Variants in DUSP2 observed in about 807,000 individuals in gnomAD.
The protein encoded by DUSP2 is dual specificity phosphatase 2.
A neutral mutation model predicts 23.3 loss-of-function variants in DUSP2; 20 were observed. That is an observed-to-expected ratio of 0.86 (90% CI 0.60 to 1.25). The LOEUF is 1.25. Among genes scored for constraint, DUSP2 ranks in the 50% most tolerant of loss-of-function variants. The pLI is 0.00. For synonymous variants in DUSP2, 231 were observed against 209.7 expected, an observed-to-expected ratio of 1.10 and a Z score of -0.88; for missense variants, 435 against 452.6, an observed-to-expected ratio of 0.96 and a Z score of 0.35.
Position 96,144,796 on chromosome 2 carries a change from T to C in DUSP2, c.475A>G (p.Ser159Gly). 6.3e-7 allele frequency: 1 copy of C among 1,586,672 alleles called. No individual in the cohort carries two copies. The highest frequency in any genetic ancestry group is 8.6e-7 in the Non-Finnish European group (1 of 1,167,868). Reference sequence around the variant, plus strand: ...ACAGGAGCCCTGGAGTCGGAGCGGCTGGTTTTGTCCCCTGTTGGCGGCAGC... The same window carrying C: ...ACAGGAGCCCTGGAGTCGGAGCGGCCGGTTTTGTCCCCTGTTGGCGGCAGC... ...PALPPTGDKT[S>G]RSDSRAPVYD... Residue 159 changes from serine (S) to glycine (G), a missense_variant, in exon 2 of 4, where the codon AGC (serine) becomes GGC (glycine). Physicochemically the swap from Ser to Gly is moderately conservative, Grantham distance 56 (BLOSUM62 0). Coordinates refer to ENST00000288943, the MANE Select transcript of DUSP2 (RefSeq NM_004418.4).
Position 96,145,419 on chromosome 2 carries a change from C to A in DUSP2, c.-65G>T. 1 of 1,284,258 alleles carries A rather than the reference C, an allele frequency of 7.8e-7. No homozygotes were observed. Among genetic ancestry groups the A allele is most frequent in the Non-Finnish European group, 9.9e-7 (1 of 1,012,238 alleles). The allele number at this position is 1,284,258 out of a possible 1,614,324, so 79.6% of individuals were successfully genotyped here. A position where few individuals can be genotyped will look rare whatever the true frequency, so the allele number is the denominator to read the frequency against. ...GCGTCCCGGGCTCTCGTGGCGGTGG[C>A]GCTGCCCGAGCGGTCGACTCCGGGC... On this transcript the variant is annotated 5_prime_UTR_variant, in exon 1 of 4. Coordinates refer to ENST00000288943, the MANE Select transcript of DUSP2 (RefSeq NM_004418.4).
Position 96,144,757 on chromosome 2 carries a change from T to C in DUSP2, c.510+4A>G. 6.3e-7 allele frequency: 1 copy of C among 1,581,578 alleles called. No homozygotes were observed. Among genetic ancestry groups the C allele is most frequent in the Admixed American group, 1.8e-5 (1 of 54,962 alleles). On this transcript the variant is annotated splice_donor_region_variant and intron_variant, in intron 2 of 3. Transcript: ENST00000288943. ...AGGTTCGGGGGAGGGGGGTCAATAC[T>C]CACCTGGTCGTAGACAGGAGCCCTG...
At position 96,144,383 on chromosome 2, in the gene DUSP2, A is replaced by T. The variant is rs1682463046; in HGVS notation, c.511-10T>A. On this transcript the variant is annotated splice_polypyrimidine_tract_variant and intron_variant, in intron 2 of 3. Transcript: ENST00000288943. ...TCTCCACAGGGCCACCCTGGAGGGAACAGAGGGGCGGTGAGGCCTTTCCAG... is the reference window on the plus strand; with the variant it reads ...TCTCCACAGGGCCACCCTGGAGGGATCAGAGGGGCGGTGAGGCCTTTCCAG... 1 of 1,609,174 alleles carries T rather than the reference A, an allele frequency of 6.2e-7. No individual in the cohort carries two copies. Among genetic ancestry groups the T allele is most frequent in the Admixed American group, 1.7e-5 (1 of 59,908 alleles).
chr2:96,145,317 G>C lies in DUSP2; in HGVS notation c.38C>G (p.Ala13Gly). ...CGGATCCCGCAGCAGCGTGCCCAGCGCCGCGCACTCCAGCTCGCGCGCCGC... is the reference window on the plus strand; with the variant it reads ...CGGATCCCGCAGCAGCGTGCCCAGCCCCGCGCACTCCAGCTCGCGCGCCGC... Reference protein sequence around the residue: ...LEAARELECAALGTLLRDPRE... With the variant: ...LEAARELECAGLGTLLRDPRE... The change falls in exon 1 of 4, where the codon GCG becomes GGG. Residue 13 changes from alanine (A) to glycine (G), a missense_variant. Ala to Gly is a moderately conservative substitution (Grantham distance 60). Transcript: ENST00000288943. 1 of 1,424,848 alleles carries C rather than the reference G, an allele frequency of 7.0e-7. No homozygotes were observed. Among genetic ancestry groups the C allele is most frequent in the Non-Finnish European group, 9.2e-7 (1 of 1,091,792 alleles). 88.3% of individuals were successfully genotyped at this position (1,424,848 alleles called of 1,614,324 possible).
Position 96,145,016 on chromosome 2 carries a change from C to T in DUSP2, c.339G>A (p.Ala113=), listed in dbSNP as rs777693501. 1.3e-5 allele frequency: 20 copies of T among 1,539,350 alleles called. No homozygotes were observed. The Admixed American group carries it at 3.5e-4, about 27-fold the overall frequency. Residue 113 remains alanine, a synonymous_variant, in exon 1 of 4, where the codon GCG becomes GCA. Transcript: ENST00000288943. ...GCCCCGCGCGGGTCTCGTGCAGCAG[C>T]GCGGCCAGCAGCACATGAGCCGGGC... ...PDSPAHVLLA[A]LLHETRAGPT... is the part of the protein sequence containing the mutation.
rs1682439014 is a variant in DUSP2 at position 96,143,382 on chromosome 2, A to C, written c.*441T>G. The C allele has an allele frequency of 5.5e-6, 1 of 180,696 alleles. No individual in the cohort carries two copies. The highest frequency in any genetic ancestry group is 5.5e-5 in the Admixed American group (1 of 18,206). 11.2% of individuals were successfully genotyped at this position (180,696 alleles called of 1,614,324 possible). A position where few individuals can be genotyped will look rare whatever the true frequency, so the allele number is the denominator to read the frequency against. On this transcript the variant is annotated 3_prime_UTR_variant, in exon 4 of 4. Transcript: ENST00000288943. Reference sequence around the variant, plus strand: ...CAACATGACACACCCATCACTTCCCAAGTCCCCAGCTTCCCCAGGAACACA... The same window carrying C: ...CAACATGACACACCCATCACTTCCCCAGTCCCCAGCTTCCCCAGGAACACA...
Position 96,143,635 on chromosome 2 carries a change from G to T in DUSP2, c.*188C>A. On this transcript the variant is annotated 3_prime_UTR_variant, in exon 4 of 4. Coordinates refer to ENST00000288943, the MANE Select transcript of DUSP2 (RefSeq NM_004418.4). ...GAGGGCCAGCCTCAGTCCCCCAGCAGAAGAGCACCAGGTCGGAAAGACCAG... is the reference window on the plus strand; with the variant it reads ...GAGGGCCAGCCTCAGTCCCCCAGCATAAGAGCACCAGGTCGGAAAGACCAG... 1 of 698,282 alleles carries T rather than the reference G, an allele frequency of 1.4e-6. No individual in the cohort carries two copies. Among genetic ancestry groups the T allele is most frequent in the Non-Finnish European group, 2.4e-6 (1 of 422,432 alleles). 43.3% of individuals were successfully genotyped at this position (698,282 alleles called of 1,614,324 possible). A position where few individuals can be genotyped will look rare whatever the true frequency, so the allele number is the denominator to read the frequency against.
At chr2:96,144,716 C>A in intron 2 of DUSP2, 45 bp downstream of exon 2, 2 of 1,488,254 alleles carry the variant, frequency 1.3e-6, no homozygotes, top group Admixed American at 4.7e-5. Flanking sequence ...GCCCAGTCCG[C>A]GGCGGGGAGA....
Position 96,143,547 on chromosome 2 carries a change from C to T in DUSP2, c.*276G>A, listed in dbSNP as rs1573921726. On this transcript the variant is annotated 3_prime_UTR_variant, in exon 4 of 4. Coordinates refer to ENST00000288943, the MANE Select transcript of DUSP2 (RefSeq NM_004418.4). ...GGAGAGTCCACGGTATAGCGTCTAG[C>T]TGATTTCTGCCAGAGGATGGGGAGG... 29 of 489,446 alleles carry T rather than the reference C, an allele frequency of 5.9e-5. No homozygotes were observed. The East Asian group carries it at 1.0e-3, about 18-fold the overall frequency. 30.3% of individuals were successfully genotyped at this position (489,446 alleles called of 1,614,324 possible). A position where few individuals can be genotyped will look rare whatever the true frequency, so the allele number is the denominator to read the frequency against.
Position 96,144,496 on chromosome 2 carries a change from T to C in DUSP2, c.511-123A>G, listed in dbSNP as rs1033289591. 3 of 946,050 alleles carry C rather than the reference T, an allele frequency of 3.2e-6. No homozygotes were observed. In the South Asian group the frequency reaches 4.9e-5, roughly 16 times the overall value. 58.6% of individuals were successfully genotyped at this position (946,050 alleles called of 1,614,324 possible). On this transcript the variant is annotated intron_variant, in intron 2 of 3. Coordinates refer to ENST00000288943, the MANE Select transcript of DUSP2 (RefSeq NM_004418.4). ...GACTCCTCAGCCAGTCCTCCTGACC[T>C]GAGACAGGTCTCAGGAATGTGCGGA...
At chr2:96,144,698 C>T (rs1173893068) in intron 2 of DUSP2, 63 bp downstream of exon 2, 2 of 1,432,968 alleles carry the variant, frequency 1.4e-6, no homozygotes, top group Admixed American at 2.4e-5. Context: ...GGCTCTTTCC[C>T]TAGAGGCGCC....
rs1245724652 is a variant in DUSP2, at chr2:96,144,218, G to A, written c.666C>T (p.Ile222=). 6.8e-6 allele frequency: 11 copies of A among 1,614,038 alleles called. No homozygotes were observed. Among genetic ancestry groups the A allele is most frequent in the Non-Finnish European group, 9.3e-6 (11 of 1,180,054 alleles). ...CCACCATCTGGTTGTCCTCCACAGG[G>A]ATACTCTTGTAGCGGAAAAGGCCCT... ...HFEGLFRYKS[I]PVEDNQMVEI... Residue 222 remains isoleucine (I), a synonymous_variant, in exon 3 of 4, where the codon ATC becomes ATT. Transcript: ENST00000288943.
In DUSP2 at chr2:96,145,100, C is replaced by T. The variant is rs531202204; in HGVS notation, c.255G>A (p.Leu85=). 6 of 1,432,442 alleles carry T rather than the reference C, an allele frequency of 4.2e-6. No homozygotes were observed. The highest frequency in any genetic ancestry group is 5.4e-6 in the Non-Finnish European group (6 of 1,103,476). The allele number at this position is 1,432,442 out of a possible 1,614,324, so 88.7% of individuals were successfully genotyped here. ...ALRTRLVRGE[L]ARAVVLDEGS... ...CCTCGTCCAGCACCACGGCCCGCGCCAGCTCCCCGCGGACCAGGCGCGTCC... is the reference window on the plus strand; with the variant it reads ...CCTCGTCCAGCACCACGGCCCGCGCTAGCTCCCCGCGGACCAGGCGCGTCC... Residue 85 remains leucine, a synonymous_variant, in exon 1 of 4, where the codon CTG becomes CTA. Coordinates refer to ENST00000288943, the MANE Select transcript of DUSP2 (RefSeq NM_004418.4).
chr2:96,145,137 T>C lies in DUSP2; in HGVS notation c.218A>G (p.Asp73Gly). Residue 73 changes from aspartate (D) to glycine (G), a missense_variant, in exon 1 of 4, where the codon GAC becomes GGC. By Grantham distance (94) the Asp-to-Gly change is moderately conservative. Transcript: ENST00000288943. ...PAAVLACLLP[D>G]RALRTRLVRG... ...GACCAGGCGCGTCCGCAGCGCGCGG[T>C]CGGGCAGCAGGCAGGCGAGAACGGC... 3 of 1,345,138 alleles carry C rather than the reference T, an allele frequency of 2.2e-6. No individual in the cohort carries two copies. Among genetic ancestry groups the C allele is most frequent in the Non-Finnish European group, 2.8e-6 (3 of 1,058,508 alleles). The allele number at this position is 1,345,138 out of a possible 1,614,324, so 83.3% of individuals were successfully genotyped here. A position where few individuals can be genotyped will look rare whatever the true frequency, so the allele number is the denominator to read the frequency against.
In DUSP2 at chr2:96,143,729, A is replaced by C; in HGVS notation, c.*94T>G. The C allele has an allele frequency of 1.4e-6, 2 of 1,444,118 alleles. No homozygotes were observed. The highest frequency in any genetic ancestry group is 1.9e-6 in the Non-Finnish European group (2 of 1,060,744). The allele number at this position is 1,444,118 out of a possible 1,614,324, so 89.5% of individuals were successfully genotyped here. A position where few individuals can be genotyped will look rare whatever the true frequency, so the allele number is the denominator to read the frequency against. On this transcript the variant is annotated 3_prime_UTR_variant, in exon 4 of 4. Coordinates refer to ENST00000288943, the MANE Select transcript of DUSP2 (RefSeq NM_004418.4). ...TCTGAGGAGGTAGCAGCCCTGCCAG[A>C]GGTGAGGGGACTGTGCTGGCCCAGA... is the stretch of plus-strand genomic sequence containing the variant.
In DUSP2 at chr2:96,144,804, T is replaced by G; in HGVS notation, c.467A>C (p.Asp156Ala). Reference protein sequence around the residue: ...APAPALPPTGDKTSRSDSRAP... With the variant: ...APAPALPPTGAKTSRSDSRAP... ...CCTGGAGTCGGAGCGGCTGGTTTTGTCCCCTGTTGGCGGCAGCGCAGGGGC... is the reference window on the plus strand; with the variant it reads ...CCTGGAGTCGGAGCGGCTGGTTTTGGCCCCTGTTGGCGGCAGCGCAGGGGC... The change falls in exon 2 of 4, where the codon GAC (aspartate) becomes GCC (alanine). Residue 156 changes from aspartate (D) to alanine (A), a missense_variant. By Grantham distance (126) the Asp-to-Ala change is moderately radical (BLOSUM62 -2). Transcript: ENST00000288943. The G allele has an allele frequency of 6.3e-7, 1 of 1,580,810 alleles. No homozygotes were observed. Among genetic ancestry groups the G allele is most frequent in the Non-Finnish European group, 8.6e-7 (1 of 1,165,108 alleles).
At chr2:96,144,124 C>T (rs1034872970) in intron 3 of DUSP2, 30 bp downstream of exon 3, 19 of 1,613,104 alleles carry the variant, frequency 1.2e-5, no homozygotes, top group East Asian at 4.5e-5. Flanking sequence ...TGGAGCCCCT[C>T]GGGATTTCTG....
Position 96,144,879 on chromosome 2 carries a change from C to A in DUSP2, c.392G>T (p.Gly131Val), listed in dbSNP as rs779039146. ...GPTAVYFLRG[G>V]FDGFQGCCPD... The stretch of plus-strand genomic sequence containing the variant: ...ACAGCAGCCCTGGAAGCCGTCGAAG[C>A]CTCCTGCAAGGAGGGGAAGAGCACG... The change falls in exon 2 of 4, where the codon GGC becomes GTC. Residue 131 changes from glycine (G) to valine (V), a missense_variant. By Grantham distance (109) the Gly-to-Val change is moderately radical (BLOSUM62 -3). Coordinates refer to ENST00000288943, the MANE Select transcript of DUSP2 (RefSeq NM_004418.4). The A allele has an allele frequency of 3.1e-5, 48 of 1,548,626 alleles. No homozygotes were observed. The Admixed American group carries it at 6.5e-4, about 21-fold the overall frequency.
At position 96,144,789 on chromosome 2, in the gene DUSP2, G is replaced by C. The variant is rs1308574665; in HGVS notation, c.482C>G (p.Ser161Cys). 7 of 1,588,944 alleles carry C rather than the reference G, an allele frequency of 4.4e-6. No homozygotes were observed. The South Asian group carries it at 6.9e-5, about 16-fold the overall frequency. ...GTCGTAGACAGGAGCCCTGGAGTCG[G>C]AGCGGCTGGTTTTGTCCCCTGTTGG... ...LPPTGDKTSR[S>C]DSRAPVYDQG... Residue 161 changes from serine (S) to cysteine (C), a missense_variant, in exon 2 of 4, where the codon TCC (serine) becomes TGC (cysteine). Transcript: ENST00000288943.
Sources: gnomAD v4.1 joint callset for allele counts on GRCh38, gnomAD v4.1.1 for gene constraint, MANE v1.5 for transcripts, NCBI Gene and HGNC (gene_info 2026-07-23, HGNC 2026-07-21) for gene names.